The following TNC variants were observed in gnomAD, a reference collection of about 807,000 sequenced individuals.
TNC encodes the protein tenascin C, also known as tenascin.
A neutral mutation model predicts 202.4 loss-of-function variants in TNC; 109 were observed. The observed-to-expected ratio is 0.54, with a 90% CI of 0.46 to 0.63. The LOEUF is 0.63. TNC is among the 30% of genes least tolerant of loss of function. The pLI, the probability that TNC is intolerant of heterozygous loss-of-function variation, is 0.00. For missense variants in TNC, 2,756 were observed against 2,833.3 expected (o/e 0.97, Z 0.62); for synonymous variants, 1,007 against 1,089.7 (o/e 0.92, Z 1.50).
chr9:115,110,679 T>G (rs1836972308), intron 1 of TNC, among the ~76,000 whole-genome samples: 1 of 152,242 alleles, frequency 6.6e-6, no homozygotes, highest in South Asian at 2.1e-4. Context: ...GGATGAGTTT[T>G]AGTTTTGGTC....
chr9:115,032,561 A>G (rs988886043), intron 22 of TNC, among the ~76,000 whole-genome samples: 19 of 152,152 alleles, frequency 1.2e-4, no homozygotes, highest in African/African-American at 4.6e-4. Flanking sequence ...AAACAATATG[A>G]TGCCTGGGCC....
In TNC at chr9:115,036,137, G is replaced by C; in HGVS notation, c.5617C>G (p.Pro1873Ala). Residue 1873 changes from proline (P) to alanine (A), a missense_variant, in exon 21 of 28, where the codon CCC becomes GCC. Coordinates refer to ENST00000350763, the MANE Select transcript of TNC (RefSeq NM_002160.4). ...GCAGTGATGGTTGAGCTCTTCTGGG[G>C]CCCTTTCTCTGCAAAGATTCTCAGT... ...YTLRIFAEKG[P>A]QKSSTITAKF... The C allele has an allele frequency of 2.5e-6, 4 of 1,614,174 alleles. No individual in the cohort carries two copies. The highest frequency in any genetic ancestry group is 3.4e-6 in the Non-Finnish European group (4 of 1,180,016).
At chr9:115,021,324 A>T (rs1451460313) in intron 27 of TNC, 57 bp from the exon 28 acceptor site, 1 of 1,293,222 alleles carries the variant, frequency 7.7e-7, no homozygotes, top group Non-Finnish European at 1.1e-6. Flanking sequence ...CAGGTTGGTT[A>T]CTGTTAGGCG....
At chr9:115,029,289 T>C (rs1829770804) in intron 25 of TNC, 71 bp downstream of exon 25, 2 of 1,387,472 alleles carry the variant, frequency 1.4e-6, no homozygotes, top group Admixed American at 3.4e-5. Context: ...CATAGGTCCC[T>C]GTGGGTTAGG....
chr9:115,064,386 C>T (rs1054528348), intron 11 of TNC, among the ~76,000 whole-genome samples: 15 of 152,098 alleles, frequency 9.9e-5, no homozygotes, highest in Non-Finnish European at 1.9e-4. Flanking sequence ...GTTTATGGAG[C>T]TAAAGGCCCT....
chr9:115,114,810 C>T (rs965103779), intron 1 of TNC, among the ~76,000 whole-genome samples: 12 of 152,170 alleles, frequency 7.9e-5, no homozygotes, highest in African/African-American at 2.9e-4. Flanking sequence ...GATGAGTCAC[C>T]TAACTTCCTT....
chr9:115,054,319 C>A (rs997674517), intron 15 of TNC, among the ~76,000 whole-genome samples: 1 of 152,192 alleles, frequency 6.6e-6, no homozygotes, highest in East Asian at 1.9e-4. Flanking sequence ...TAGCCATTAG[C>A]ATTGACATGG....
intron 27 of TNC, among the ~76,000 whole-genome samples, chr9:115,022,630 C>A (rs1829165844): frequency 6.6e-6 from 1 of 151,650 alleles, no homozygotes; most frequent in Non-Finnish European, 1.5e-5. Context: ...TGAGACAAGG[C>A]AATAAAGATG....
chr9:115,020,689 C>T lies in TNC; in HGVS notation c.*468G>A, dbSNP rs1005397879. On this transcript the variant is annotated 3_prime_UTR_variant, in exon 28 of 28. Coordinates refer to ENST00000350763, the MANE Select transcript of TNC (RefSeq NM_002160.4). ...ATTAATCATATCCTTAAAATGGAAACAGTATTGCTTTTCTGGTTTCTGTTG... is the reference window on the plus strand; with the variant it reads ...ATTAATCATATCCTTAAAATGGAAATAGTATTGCTTTTCTGGTTTCTGTTG... 9.0e-6 allele frequency: 3 copies of T among 333,730 alleles called. No individual in the cohort carries two copies. The highest frequency in any genetic ancestry group is 1.2e-5 in the Non-Finnish European group (2 of 169,496). 20.7% of individuals were successfully genotyped at this position (333,730 alleles called of 1,614,324 possible).
In TNC at chr9:115,076,466, G is replaced by T. The variant is rs146691614; in HGVS notation, c.2784C>A (p.Ala928=). 3.1e-6 allele frequency: 5 copies of T among 1,614,034 alleles called. No homozygotes were observed. Among genetic ancestry groups the T allele is most frequent in the Non-Finnish European group, 4.2e-6 (5 of 1,180,042 alleles). The change falls in exon 8 of 28, where the codon GCC becomes GCA. Residue 928 remains alanine (A), a synonymous_variant. Transcript: ENST00000350763. ...AAIDSYRIKY[A]PISGGDHAEV... is the part of the protein sequence containing the mutation. ...CAGCGTGGTCCCCTCCAGAGATGGG[G>T]GCATACTTAATTCTGTAACTGTCAA...
At chr9:115,115,195 A>G (rs1837374157) in intron 1 of TNC, 1 of 152,228 alleles carries the variant, frequency 6.6e-6, no homozygotes, top group African/African-American at 2.4e-5. Context: ...TCATTCTGTC[A>G]GCTTGAATTC....
At chr9:115,031,858 G>C (rs1829971183) in intron 22 of TNC, among the ~76,000 whole-genome samples, 173 bp from the exon 23 acceptor site, 1 of 152,160 alleles carries the variant, frequency 6.6e-6, no homozygotes, top group East Asian at 1.9e-4. Context: ...TGAGATATCA[G>C]AGATGGGGAG....
At chr9:115,024,304 G>A (rs1829309585) in intron 26 of TNC, among the ~76,000 whole-genome samples, 168 bp from the exon 27 acceptor site, 1 of 152,180 alleles carries the variant, frequency 6.6e-6, no homozygotes, top group Non-Finnish European at 1.5e-5. Flanking sequence ...GGACATGAGT[G>A]TCACCCCAGT....
intron 1 of TNC, among the ~76,000 whole-genome samples, chr9:115,092,053 G>C (rs923711791): frequency 6.6e-6 from 1 of 152,150 alleles, no homozygotes; most frequent in Non-Finnish European, 1.5e-5. Flanking sequence ...ACCATCAGGG[G>C]ACTTAACAAT....
chr9:115,060,062 A>T (rs1832431794), intron 13 of TNC, 60 bp from the exon 14 acceptor site: 1 of 1,483,804 alleles, frequency 6.7e-7, no homozygotes, highest in Non-Finnish European at 9.1e-7. Flanking sequence ...GAAACCAAAC[A>T]TCCCACAGCC....
At chr9:115,108,322 A>ACCC (rs1311809892) in intron 1 of TNC, among the ~76,000 whole-genome samples, 2 of 152,178 alleles carry the variant, frequency 1.3e-5, no homozygotes. Flanking sequence ...ATGTTTGGAG[A>ACCC]TACTGGGCTA....
At chr9:115,082,833 G>A (rs772953704) in intron 4 of TNC, 26 bp from the exon 5 acceptor site, 29 of 1,521,824 alleles carry the variant, frequency 1.9e-5, no homozygotes, top group Admixed American at 6.7e-5. Context: ...TAAATAGAAC[G>A]TAAGGATAGG....
chr9:115,081,992 C>A (rs1434745542), intron 5 of TNC, 64 bp from the exon 6 acceptor site: 7 of 1,447,054 alleles, frequency 4.8e-6, no homozygotes, highest in African/African-American at 4.3e-5. Flanking sequence ...TTATGTGATT[C>A]ATTCACTCTG....
At position 115,085,930 on chromosome 9, in the gene TNC, AGTT is replaced by A; in HGVS notation, c.1798_1800del (p.Asn600del). The A allele has an allele frequency of 6.2e-7, 1 of 1,613,854 alleles. No homozygotes were observed. Among genetic ancestry groups the A allele is most frequent in the Non-Finnish European group, 8.5e-7 (1 of 1,179,908 alleles). ...CAGCGGCCCGAGACGCATTGTCCTA[AGTT>A]GTTGCAGTCACTGGGGCAGGAGTGC... On this transcript the variant is annotated inframe_deletion, in exon 3 of 28. Transcript: ENST00000350763.
Sources: gnomAD v4.1 joint callset for allele counts (sites outside exome capture counted in the v4.1 genomes callset) on GRCh38, gnomAD v4.1.1 for gene constraint, MANE v1.5 for transcripts, NCBI Gene and HGNC (gene_info 2026-07-23, HGNC 2026-07-21) for gene names.